LYRM4: variants seen among roughly 807,000 people sequenced by gnomAD.
LYRM4 encodes LYR motif containing 4, also known as LYR motif-containing protein 4.
Under a neutral mutation model 11.7 loss-of-function variants are expected in LYRM4, and 9 were observed. That is an observed-to-expected ratio of 0.77 (90% CI 0.46 to 1.34). The LOEUF (loss-of-function observed/expected upper bound fraction) is 1.34, where lower values mean the gene tolerates loss of function less well. Ranked by LOEUF, LYRM4 falls within the 40% of genes most tolerant of loss-of-function variation. The pLI, the probability that LYRM4 is intolerant of heterozygous loss-of-function variation, is 0.00. For missense variants in LYRM4, 133 were observed against 112.5 expected, an observed-to-expected ratio of 1.18 and a Z score of -0.82; for synonymous variants, 42 against 40.4, an observed-to-expected ratio of 1.04 and a Z score of -0.15.
intron 2 of LYRM4, among the ~76,000 whole-genome samples, chr6:5,184,259 G>A (rs419778): frequency 0.34 from 51,931 of 151,962 alleles, 10,184 homozygotes; most frequent in African/African-American, 0.55. Context: ...ACAATCTAAA[G>A]CAGGATATAA....
chr6:5,201,123 G>A (rs915999468), intron 2 of LYRM4, among the ~76,000 whole-genome samples: 8 of 152,176 alleles, frequency 5.3e-5, no homozygotes, highest in African/African-American at 1.9e-4. Context: ...AACTCCAGCT[G>A]TGAAGGGTTT....
chr6:5,159,944 G>C (rs1374892453), intron 2 of LYRM4, among the ~76,000 whole-genome samples: 4 of 152,056 alleles, frequency 2.6e-5, no homozygotes, highest in Non-Finnish European at 5.9e-5. Flanking sequence ...ACTTTTTCCT[G>C]GGATGTTTTT....
chr6:5,084,239 A>G, the LYRM4 span, among the ~76,000 whole-genome samples: 1 of 152,198 alleles, frequency 6.6e-6, no homozygotes, highest in East Asian at 1.9e-4. Context: ...AACCAAAACA[A>G]GAAAAACACC....
At chr6:5,095,788 T>C in the LYRM4 span, among the ~76,000 whole-genome samples, 1 of 152,088 alleles carries the variant, frequency 6.6e-6, no homozygotes, top group African/African-American at 2.4e-5. Flanking sequence ...GAAGCCAGCC[T>C]GGCCAACATG....
chr6:5,258,267 C>G (rs1156841610), intron 1 of LYRM4, among the ~76,000 whole-genome samples: 1 of 152,334 alleles, frequency 6.6e-6, no homozygotes, highest in Non-Finnish European at 1.5e-5. Flanking sequence ...TTTCACTACT[C>G]TAATTACTTA....
intron 2 of LYRM4, among the ~76,000 whole-genome samples, chr6:5,198,457 A>G (rs1319521888): frequency 6.6e-6 from 1 of 152,192 alleles, no homozygotes; most frequent in Non-Finnish European, 1.5e-5. Flanking sequence ...ATCAACCTCC[A>G]CCTACTGTGT....
chr6:5,221,976 G>T (rs1762608882), intron 1 of LYRM4, among the ~76,000 whole-genome samples: 1 of 152,196 alleles, frequency 6.6e-6, no homozygotes, highest in Admixed American at 6.5e-5. Context: ...TTGGGGTTAT[G>T]GTGTGTGTAT....
intron 1 of LYRM4, among the ~76,000 whole-genome samples, chr6:5,253,474 T>C (rs1008900330): frequency 2.6e-5 from 4 of 152,144 alleles, no homozygotes; most frequent in South Asian, 2.1e-4. Context: ...TTTTACACTA[T>C]GGAAATAATG....
At chr6:5,128,072 T>C (rs1763777780) in intron 2 of LYRM4, among the ~76,000 whole-genome samples, 1 of 152,182 alleles carries the variant, frequency 6.6e-6, no homozygotes, top group Non-Finnish European at 1.5e-5. Context: ...ACAATTTTTT[T>C]GGTGGTAGAC....
chr6:5,113,485 C>T (rs547747241), intron 2 of LYRM4: 4 of 319,460 alleles, frequency 1.3e-5, no homozygotes, highest in East Asian at 1.2e-4. Context: ...AAGTTATAGA[C>T]GGGCAGCCAG....
At chr6:5,260,611 G>GCCCCCCC (rs754044531) in intron 1 of LYRM4, 37 bp downstream of exon 1, 4 of 1,377,680 alleles carry the variant, frequency 2.9e-6, no homozygotes, top group Non-Finnish European at 3.9e-6. Context: ...CCGGCCCCTG[G>GCCCCCCC]CCCCCCGCCC....
At chr6:5,086,041 G>A in the LYRM4 span, 2 of 1,488,748 alleles carry the variant, frequency 1.3e-6, no homozygotes, top group African/African-American at 2.9e-5. Flanking sequence ...CGCGGCGGCA[G>A]TGGCCGCGCC....
chr6:5,148,898 TC>T (rs1757933964), intron 2 of LYRM4, among the ~76,000 whole-genome samples: 1 of 152,224 alleles, frequency 6.6e-6, no homozygotes, highest in Non-Finnish European at 1.5e-5. Context: ...TCTGAATTTT[TC>T]CCCTAGAACT....
At chr6:5,097,767 G>A in the LYRM4 span, among the ~76,000 whole-genome samples, 1 of 152,184 alleles carries the variant, frequency 6.6e-6, no homozygotes, top group Non-Finnish European at 1.5e-5. Context: ...GTTTCAACAG[G>A]AGCAATGAAG....
intron 2 of LYRM4, chr6:5,144,209 G>T (rs1360294853): frequency 6.5e-7 from 1 of 1,536,942 alleles, no homozygotes; most frequent in Non-Finnish European, 8.7e-7. Flanking sequence ...GCTTCCCCAG[G>T]CTCCGGCTGC....
chr6:5,041,159 G>C, the LYRM4 span, among the ~76,000 whole-genome samples: 1 of 150,900 alleles, frequency 6.6e-6, no homozygotes, highest in Non-Finnish European at 1.5e-5. Flanking sequence ...AGTGAGACTC[G>C]TCTCAAAAAA....
the LYRM4 span, among the ~76,000 whole-genome samples, chr6:5,057,759 G>A: frequency 6.6e-6 from 1 of 150,380 alleles, no homozygotes; most frequent in Non-Finnish European, 1.5e-5. Context: ...CTAGTGAAAC[G>A]CTCACTTTTT....
At chr6:5,048,803 A>G in the LYRM4 span, among the ~76,000 whole-genome samples, 1 of 152,234 alleles carries the variant, frequency 6.6e-6, no homozygotes, top group Non-Finnish European at 1.5e-5. Flanking sequence ...GAGGAGAGCA[A>G]TTGCATAAAG....
intron 2 of LYRM4, among the ~76,000 whole-genome samples, chr6:5,161,553 G>A (rs1044454830): frequency 6.6e-6 from 1 of 152,184 alleles, no homozygotes; most frequent in Non-Finnish European, 1.5e-5. Context: ...TACTGAAGAG[G>A]AGAGTAAGAT....
Sources: gnomAD v4.1 joint callset for allele counts (sites outside exome capture counted in the v4.1 genomes callset) on GRCh38, gnomAD v4.1.1 for gene constraint, MANE v1.5 for transcripts, NCBI Gene and HGNC (gene_info 2026-07-23, HGNC 2026-07-21) for gene names.